Variants in COL25A1 observed in about 807,000 individuals in gnomAD.
COL25A1 encodes collagen alpha-1(XXV) chain.
In COL25A1, 103 loss-of-function variants were observed where a neutral mutation model predicts 128.4. The ratio of observed to expected loss-of-function variants is 0.80; its 90% CI spans 0.68 to 0.94. COL25A1 has a LOEUF of 0.94. COL25A1 is among the 40% of genes least tolerant of loss of function. COL25A1 has a pLI of 0.00. For synonymous variants in COL25A1, 279 were observed against 277.2 expected (o/e 1.01, Z -0.06); for missense variants, 745 against 840.0 (o/e 0.89, Z 1.40).
At chr4:108,856,462 G>A (rs1455667663) in intron 24 of COL25A1, among the ~76,000 whole-genome samples, 1 of 152,056 alleles carries the variant, frequency 6.6e-6, no homozygotes, top group African/African-American at 2.4e-5. Flanking sequence ...TGACATACCT[G>A]CAAAACTGTA....
At chr4:108,987,835 T>C (rs184715515) in intron 6 of COL25A1, among the ~76,000 whole-genome samples, 18 of 152,314 alleles carry the variant, frequency 1.2e-4, no homozygotes, top group African/African-American at 2.9e-4. Flanking sequence ...ACAATCTCTA[T>C]AGCAATCATT....
At chr4:108,895,084 A>T (rs150471933) in intron 16 of COL25A1, among the ~76,000 whole-genome samples, 1 of 152,302 alleles carries the variant, frequency 6.6e-6, no homozygotes, top group East Asian at 1.9e-4. Flanking sequence ...AGAAACACAG[A>T]TCTATAAGAA....
At chr4:108,952,687 T>C (rs1749580639) in intron 8 of COL25A1, among the ~76,000 whole-genome samples, 1 of 152,090 alleles carries the variant, frequency 6.6e-6, no homozygotes, top group African/African-American at 2.4e-5. Context: ...CTTGAATATA[T>C]CCTATCCATT....
At position 109,105,511 on chromosome 4, in the gene COL25A1, A is replaced by C. The variant is rs371926561; in HGVS notation, c.368-55332T>G. Among the ~76,000 whole-genome samples, 33 of 152,304 alleles carry C rather than the reference A, an allele frequency of 2.2e-4. No homozygotes were observed. The East Asian group carries it at 3.3e-3, about 15-fold the overall frequency. ...ATCTCAAATAAACAAACAAAATTCTAAAATCTAAATTCTGCTCTCTCATTG... is the reference window on the plus strand; with the variant it reads ...ATCTCAAATAAACAAACAAAATTCTCAAATCTAAATTCTGCTCTCTCATTG... On this transcript the variant is annotated intron_variant, in intron 3 of 37. Transcript: ENST00000399132.
chr4:109,048,212 AGG>A, intron 4 of COL25A1, 37 bp from the exon 5 acceptor site: 1 of 1,588,842 alleles, frequency 6.3e-7, no homozygotes. Flanking sequence ...AGAGAGAGAG[AGG>A]AGTTAGTGAA....
At chr4:109,111,558 C>T (rs558750368) in intron 3 of COL25A1, among the ~76,000 whole-genome samples, 12 of 152,242 alleles carry the variant, frequency 7.9e-5, no homozygotes, top group South Asian at 2.1e-4. Flanking sequence ...AAGGATTCCT[C>T]GGACACAGAC....
intron 3 of COL25A1, among the ~76,000 whole-genome samples, chr4:109,099,366 A>G (rs1765680878): frequency 6.6e-6 from 1 of 152,216 alleles, no homozygotes; most frequent in Non-Finnish European, 1.5e-5. Flanking sequence ...GCATATCTAG[A>G]CAAGAGGCAG....
intron 3 of COL25A1, among the ~76,000 whole-genome samples, chr4:109,265,335 C>T (rs2126259143): frequency 6.6e-6 from 1 of 152,306 alleles, no homozygotes; most frequent in East Asian, 1.9e-4. Flanking sequence ...ATACTCCACA[C>T]TGAAGGCCAA....
At chr4:109,134,733 AG>A (rs914244153) in intron 3 of COL25A1, among the ~76,000 whole-genome samples, 1 of 152,102 alleles carries the variant, frequency 6.6e-6, no homozygotes, top group Non-Finnish European at 1.5e-5. Context: ...TGAGATGGGG[AG>A]GAAGGTGCAG....
chr4:109,098,926 C>G (rs1010446192), intron 3 of COL25A1, among the ~76,000 whole-genome samples: 1 of 152,158 alleles, frequency 6.6e-6, no homozygotes, highest in Non-Finnish European at 1.5e-5. Flanking sequence ...TCACTTCTGG[C>G]TCCAGTACTT....
At chr4:108,982,883 T>C (rs1337998699) in intron 6 of COL25A1, among the ~76,000 whole-genome samples, 1 of 152,218 alleles carries the variant, frequency 6.6e-6, no homozygotes, top group Non-Finnish European at 1.5e-5. Flanking sequence ...ATGATCAGTC[T>C]TAAATCAAAA....
intron 8 of COL25A1, among the ~76,000 whole-genome samples, chr4:108,949,297 T>C (rs1421303167): frequency 1.3e-5 from 2 of 152,200 alleles, no homozygotes; most frequent in Non-Finnish European, 2.9e-5. Context: ...ATGGTGATGA[T>C]GGCATTAATA....
intron 3 of COL25A1, among the ~76,000 whole-genome samples, chr4:109,192,429 G>C (rs546652679): frequency 1.3e-5 from 2 of 152,202 alleles, no homozygotes; most frequent in East Asian, 3.9e-4. Context: ...TCCCCAACTC[G>C]TATGTTGAAG....
At chr4:108,958,289 T>G (rs1228947124) in intron 8 of COL25A1, among the ~76,000 whole-genome samples, 3 of 152,070 alleles carry the variant, frequency 2.0e-5, no homozygotes, top group Non-Finnish European at 4.4e-5. Context: ...TAGAAATATT[T>G]ATAAGGGAAA....
chr4:109,118,047 A>G (rs1356892209), intron 3 of COL25A1, among the ~76,000 whole-genome samples: 1 of 151,996 alleles, frequency 6.6e-6, no homozygotes, highest in African/African-American at 2.4e-5. Flanking sequence ...AGGACAACAA[A>G]CAAAAAACAG....
intron 6 of COL25A1, among the ~76,000 whole-genome samples, chr4:108,977,747 A>G (rs1350410729): frequency 6.6e-6 from 1 of 152,204 alleles, no homozygotes; most frequent in Admixed American, 6.5e-5. Context: ...TGTCCTGGAG[A>G]AGCTAAATAG....
chr4:109,286,503 G>C (rs1275838279), intron 3 of COL25A1, among the ~76,000 whole-genome samples: 1 of 152,108 alleles, frequency 6.6e-6, no homozygotes, highest in East Asian at 1.9e-4. Flanking sequence ...GTTCTTCTAA[G>C]AGAACTAGCT....
intron 3 of COL25A1, among the ~76,000 whole-genome samples, chr4:109,291,931 G>T: frequency 6.6e-6 from 1 of 152,082 alleles, no homozygotes; most frequent in African/African-American, 2.4e-5. Flanking sequence ...TTAAAGAGAT[G>T]ATATTATATG....
At chr4:109,009,207 C>T (rs1012307101) in intron 6 of COL25A1, among the ~76,000 whole-genome samples, 14 of 152,314 alleles carry the variant, frequency 9.2e-5, no homozygotes, top group African/African-American at 3.4e-4. Context: ...TGTAATATGG[C>T]CATTTCAAAT....
Sources: gnomAD v4.1 joint callset for allele counts (sites outside exome capture counted in the v4.1 genomes callset) on GRCh38, gnomAD v4.1.1 for gene constraint, MANE v1.5 for transcripts, NCBI Gene and HGNC (gene_info 2026-07-23, HGNC 2026-07-21) for gene names.